PKN2: variants seen among roughly 807,000 people sequenced by gnomAD.
PKN2 encodes the protein serine/threonine-protein kinase N2.
In PKN2, 38 loss-of-function variants were observed where a neutral mutation model predicts 119.1. That is an observed-to-expected ratio of 0.32 (90% CI 0.25 to 0.42). PKN2 has a LOEUF of 0.42. Among genes scored for constraint, PKN2 ranks in the 10% least tolerant of loss-of-function variants. PKN2 has a pLI of 1.00. For missense variants in PKN2, 850 were observed against 1,165.1 expected (o/e 0.73, Z 3.94); for synonymous variants, 390 against 384.9 (o/e 1.01, Z -0.15).
At chr1:88,786,313 A>G in intron 8 of PKN2, 100 bp downstream of exon 8, 1 of 569,938 alleles carries the variant, frequency 1.8e-6, no homozygotes, top group South Asian at 2.9e-5. Flanking sequence ...CTTAACAAGA[A>G]TAAAAATAGA....
chr1:88,746,743 A>G (rs925325209), intron 2 of PKN2, among the ~76,000 whole-genome samples: 4 of 152,138 alleles, frequency 2.6e-5, no homozygotes, highest in African/African-American at 7.2e-5. Context: ...CAATCCAGCA[A>G]TTCCTCTTCT....
At position 88,805,581 on chromosome 1, in the gene PKN2, A is replaced by G; in HGVS notation, c.1586A>G (p.Asn529Ser). Residue 529 changes from asparagine (N) to serine (S), a missense_variant, in exon 11 of 22, where the codon AAT becomes AGT. Coordinates refer to ENST00000370521, the MANE Select transcript of PKN2 (RefSeq NM_006256.4). ...GTAAGAAGAGCTATTCCTACAGTAAATCATTCTGGCACCTTCAGCCCTCAA... is the reference window on the plus strand; with the variant it reads ...GTAAGAAGAGCTATTCCTACAGTAAGTCATTCTGGCACCTTCAGCCCTCAA... ...RLVRRAIPTV[N>S]HSGTFSPQAP... is the part of the protein sequence containing the mutation. The G allele has an allele frequency of 6.2e-7, 1 of 1,614,090 alleles. No homozygotes were observed. Among genetic ancestry groups the G allele is most frequent in the Non-Finnish European group, 8.5e-7 (1 of 1,179,980 alleles).
At chr1:88,796,875 A>G (rs1161351537) in intron 8 of PKN2, among the ~76,000 whole-genome samples, 1 of 152,084 alleles carries the variant, frequency 6.6e-6, no homozygotes, top group Non-Finnish European at 1.5e-5. Flanking sequence ...TTCACTAAGT[A>G]TTAATGGGAT....
chr1:88,796,159 A>G (rs1228643489), intron 8 of PKN2, among the ~76,000 whole-genome samples: 1 of 152,032 alleles, frequency 6.6e-6, no homozygotes, highest in Non-Finnish European at 1.5e-5. Flanking sequence ...TAGATTCCAA[A>G]TTTTTTTTCA....
At chr1:88,806,665 A>G (rs761138119) in intron 12 of PKN2, among the ~76,000 whole-genome samples, 4 of 152,166 alleles carry the variant, frequency 2.6e-5, no homozygotes, top group Non-Finnish European at 4.4e-5. Context: ...CTGAAATACT[A>G]TTCTTCTTCT....
At chr1:88,732,849 C>T (rs1263393112) in intron 1 of PKN2, among the ~76,000 whole-genome samples, 1 of 152,066 alleles carries the variant, frequency 6.6e-6, no homozygotes, top group Non-Finnish European at 1.5e-5. Context: ...ATAATGAAAT[C>T]TTGTCATTTC....
At chr1:88,717,396 A>G (rs985305422) in intron 1 of PKN2, among the ~76,000 whole-genome samples, 5 of 152,082 alleles carry the variant, frequency 3.3e-5, no homozygotes, top group Non-Finnish European at 7.3e-5. Context: ...GTGTTTTCCA[A>G]CTTGGTTCCA....
At chr1:88,756,176 G>C (rs532358702) in intron 2 of PKN2, among the ~76,000 whole-genome samples, 5 of 152,098 alleles carry the variant, frequency 3.3e-5, no homozygotes, top group Non-Finnish European at 7.4e-5. Flanking sequence ...GATTACAGGT[G>C]TAAGCCACCA....
At chr1:88,780,718 G>A (rs1447837513) in intron 6 of PKN2, among the ~76,000 whole-genome samples, 2 of 150,252 alleles carry the variant, frequency 1.3e-5, no homozygotes, top group Non-Finnish European at 2.9e-5. Context: ...TGCAGGCAAG[G>A]ACTGTACTTA....
At chr1:88,693,855 T>G (rs1666423465) in intron 1 of PKN2, among the ~76,000 whole-genome samples, 1 of 151,728 alleles carries the variant, frequency 6.6e-6, no homozygotes, top group African/African-American at 2.4e-5. Flanking sequence ...CATGCCCTTT[T>G]AAATAAATTA....
intron 1 of PKN2, among the ~76,000 whole-genome samples, chr1:88,687,591 C>G (rs1399075758): frequency 6.6e-6 from 1 of 152,164 alleles, no homozygotes; most frequent in Non-Finnish European, 1.5e-5. Flanking sequence ...ACTAACAAAG[C>G]TACCTTGTTG....
intron 2 of PKN2, among the ~76,000 whole-genome samples, chr1:88,741,524 C>G (rs988255104): frequency 6.6e-6 from 1 of 152,070 alleles, no homozygotes; most frequent in African/African-American, 2.4e-5. Flanking sequence ...CTCTCTTACT[C>G]TCTATCAGTA....
intron 15 of PKN2, among the ~76,000 whole-genome samples, chr1:88,810,454 C>G (rs1671737500): frequency 6.6e-6 from 1 of 151,756 alleles, no homozygotes; most frequent in Non-Finnish European, 1.5e-5. Flanking sequence ...TAATGTATTT[C>G]ATTACTTGCA....
chr1:88,783,199 T>G (rs754423682), intron 6 of PKN2, among the ~76,000 whole-genome samples: 17 of 152,230 alleles, frequency 1.1e-4, no homozygotes, highest in Non-Finnish European at 1.9e-4. Context: ...AGGTGCTGAT[T>G]AGTACTTTGA....
chr1:88,710,837 A>G (rs1009852230), intron 1 of PKN2, among the ~76,000 whole-genome samples: 3 of 152,236 alleles, frequency 2.0e-5, no homozygotes, highest in African/African-American at 4.8e-5. Context: ...TATTATAAAG[A>G]CACATTCACG....
intron 2 of PKN2, among the ~76,000 whole-genome samples, chr1:88,752,623 A>C (rs1000940138): frequency 6.6e-6 from 1 of 152,126 alleles, no homozygotes; most frequent in Non-Finnish European, 1.5e-5. Flanking sequence ...ATTTCTGGTG[A>C]ATTGAACCTT....
chr1:88,826,918 A>T, intron 18 of PKN2, among the ~76,000 whole-genome samples: 1 of 152,190 alleles, frequency 6.6e-6, no homozygotes, highest in African/African-American at 2.4e-5. Context: ...TTTTTAAATA[A>T]TATTTTATTG....
intron 1 of PKN2, among the ~76,000 whole-genome samples, chr1:88,734,623 G>C (rs1014350054): frequency 2.0e-5 from 3 of 152,144 alleles, no homozygotes; most frequent in East Asian, 1.9e-4. Flanking sequence ...AAGTCAAGTA[G>C]TATGATGCCT....
At chr1:88,756,826 G>T (rs1243041912) in intron 2 of PKN2, among the ~76,000 whole-genome samples, 1 of 152,086 alleles carries the variant, frequency 6.6e-6, no homozygotes, top group Non-Finnish European at 1.5e-5. Flanking sequence ...TATTTACTAT[G>T]TACCACACCT....
Sources: allele counts gnomAD v4.1 joint callset (sites outside exome capture counted in the v4.1 genomes callset), GRCh38; gene constraint gnomAD v4.1.1; transcripts MANE v1.5; gene names NCBI Gene and HGNC (gene_info 2026-07-23, HGNC 2026-07-21).